Variants in PRKG1 observed in about 807,000 individuals in gnomAD.
PRKG1 encodes the protein protein kinase cGMP-dependent 1.
Under a neutral mutation model 88.1 loss-of-function variants are expected in PRKG1, and 35 were observed. The ratio of observed to expected loss-of-function variants is 0.40; its 90% CI spans 0.30 to 0.53. The LOEUF (loss-of-function observed/expected upper bound fraction) is 0.53, where lower values mean the gene tolerates loss of function less well. Among genes scored for constraint, PRKG1 ranks in the 20% least tolerant of loss-of-function variants. The pLI is 0.59. For missense variants in PRKG1, 540 were observed against 839.8 expected, an observed-to-expected ratio of 0.64 and a Z score of 4.41; for synonymous variants, 303 against 292.5, an observed-to-expected ratio of 1.04 and a Z score of -0.37.
chr10:51,276,824 TA>T (rs1840134508), intron 2 of PRKG1, among the ~76,000 whole-genome samples: 1 of 152,326 alleles, frequency 6.6e-6, no homozygotes, highest in South Asian at 2.1e-4. Flanking sequence ...TTTTTTCTCG[TA>T]AATTTGTTTG....
At chr10:51,505,058 A>G (rs1365989269) in intron 3 of PRKG1, among the ~76,000 whole-genome samples, 1 of 152,216 alleles carries the variant, frequency 6.6e-6, no homozygotes, top group South Asian at 2.1e-4. Context: ...CCCGTTTTCA[A>G]AGGGAATGCT....
At position 51,549,120 on chromosome 10, in the gene PRKG1, C is replaced by CTTTTTTTTTTT; in HGVS notation, c.592+81295_592+81305dup. ...TTCTTTCCTTTCTTTCTTTTCTTTT[C>CTTTTTTTTTTT]TTTTTTTTTTTTTTTTTTTTTGAGA... On this transcript the variant is annotated intron_variant, in intron 3 of 17. Coordinates refer to ENST00000373980, the MANE Select transcript of PRKG1 (RefSeq NM_006258.4). Among the ~76,000 whole-genome samples the CTTTTTTTTTTT allele has an allele frequency of 7.9e-3, 555 of 70,324 alleles. 23 individuals carry two copies. The highest frequency in any genetic ancestry group is 9.5e-3 in the Non-Finnish European group (371 of 38,970). The allele number at this position is 70,324 out of a possible 152,430, so 46.1% of individuals were successfully genotyped here. A position where few individuals can be genotyped will look rare whatever the true frequency, so the allele number is the denominator to read the frequency against.
intron 1 of PRKG1, among the ~76,000 whole-genome samples, chr10:51,134,697 C>T (rs1845647453): frequency 6.6e-6 from 1 of 152,008 alleles, no homozygotes; most frequent in South Asian, 2.1e-4. Context: ...TATTTGAACC[C>T]CTTCCCCTTT....
chr10:51,810,522 C>A (rs1839426429), intron 4 of PRKG1, among the ~76,000 whole-genome samples: 1 of 152,128 alleles, frequency 6.6e-6, no homozygotes, highest in South Asian at 2.1e-4. Flanking sequence ...AAAAATCCTG[C>A]CAGATTTTAG....
chr10:51,623,276 C>T (rs1839254105), intron 3 of PRKG1, among the ~76,000 whole-genome samples: 1 of 152,230 alleles, frequency 6.6e-6, no homozygotes, highest in Admixed American at 6.5e-5. Context: ...TCATGGTTCA[C>T]TGCAGCCTCA....
chr10:51,215,269 A>C (rs918470245), intron 2 of PRKG1, among the ~76,000 whole-genome samples: 4 of 152,222 alleles, frequency 2.6e-5, no homozygotes, highest in Non-Finnish European at 5.9e-5. Flanking sequence ...CTTATTTTTA[A>C]TAATTGAAAA....
intron 1 of PRKG1, among the ~76,000 whole-genome samples, chr10:51,000,970 T>C (rs1378729516): frequency 6.6e-6 from 1 of 152,250 alleles, no homozygotes; most frequent in Non-Finnish European, 1.5e-5. Context: ...TTTGTCAACT[T>C]CTTCATAGGA....
At chr10:51,499,007 C>G (rs959060806) in intron 3 of PRKG1, among the ~76,000 whole-genome samples, 8 of 151,908 alleles carry the variant, frequency 5.3e-5, no homozygotes, top group African/African-American at 1.9e-4. Flanking sequence ...AGTCATGACT[C>G]TGTTCTGTCA....
chr10:52,202,416 G>GC (rs1180476998), intron 9 of PRKG1, among the ~76,000 whole-genome samples: 1 of 152,056 alleles, frequency 6.6e-6, no homozygotes, highest in Non-Finnish European at 1.5e-5. Flanking sequence ...TGGTGGATTA[G>GC]CTTTTTGATG....
At chr10:51,661,720 C>A (rs950322877) in intron 3 of PRKG1, among the ~76,000 whole-genome samples, 3 of 152,120 alleles carry the variant, frequency 2.0e-5, no homozygotes, top group African/African-American at 7.2e-5. Flanking sequence ...TCAGTGATCC[C>A]ATTACTGGGT....
chr10:51,933,277 T>A (rs76017992), intron 5 of PRKG1, among the ~76,000 whole-genome samples: 1 of 152,164 alleles, frequency 6.6e-6, no homozygotes, highest in Non-Finnish European at 1.5e-5. Context: ...AAATCCAGAT[T>A]TTTATATGAA....
In PRKG1 at chr10:52,131,844, A is replaced by AAAAAAAAAAAAAAAAAAAAAC. The variant is rs764532999; in HGVS notation, c.936-1994_936-1993insAAAAAAAAAAAAAAAAAACAA. ...AAAAAAAAAAAAAAAAAAAAAAAAA[A>AAAAAAAAAAAAAAAAAAAAAC]AAGAGGCCAGTTTGGCCAAAAGGCA... On this transcript the variant is annotated intron_variant, in intron 7 of 17. Transcript: ENST00000373980. Among the ~76,000 whole-genome samples, 3 of 117,174 alleles carry AAAAAAAAAAAAAAAAAAAAAC rather than the reference A, an allele frequency of 2.6e-5. 1 individual carries two copies. The highest frequency in any genetic ancestry group is 3.9e-5 in the Non-Finnish European group (2 of 50,688). The allele number at this position is 117,174 out of a possible 152,430, so 76.9% of individuals were successfully genotyped here. A position where few individuals can be genotyped will look rare whatever the true frequency, so the allele number is the denominator to read the frequency against.
intron 3 of PRKG1, among the ~76,000 whole-genome samples, chr10:51,496,539 C>T (rs1840860983): frequency 6.6e-6 from 1 of 152,088 alleles, no homozygotes; most frequent in Non-Finnish European, 1.5e-5. Context: ...TCCAGCTGTC[C>T]CTTGGCAAAA....
chr10:51,133,343 G>A (rs944553677), intron 1 of PRKG1, among the ~76,000 whole-genome samples: 1 of 152,110 alleles, frequency 6.6e-6, no homozygotes, highest in Non-Finnish European at 1.5e-5. Context: ...TCCTTTGCCT[G>A]ATCCACTGCT....
At chr10:51,845,179 A>T (rs1202430952) in intron 4 of PRKG1, among the ~76,000 whole-genome samples, 1 of 152,076 alleles carries the variant, frequency 6.6e-6, no homozygotes, top group Non-Finnish European at 1.5e-5. Context: ...TGCTTTCCCC[A>T]AGATAACGTA....
intron 10 of PRKG1, 53 bp downstream of exon 10, chr10:52,251,719 T>A: frequency 7.1e-7 from 1 of 1,402,002 alleles, no homozygotes; most frequent in Non-Finnish European, 1.0e-6. Flanking sequence ...CTTTTTAATT[T>A]TTTCCCCTAG....
intron 2 of PRKG1, among the ~76,000 whole-genome samples, chr10:51,273,135 C>T (rs1278037779): frequency 1.3e-5 from 2 of 152,158 alleles, no homozygotes; most frequent in East Asian, 1.9e-4. Context: ...TAAGAGTTCA[C>T]ATTTGATGTT....
chr10:51,135,946 C>A (rs1845674781), intron 1 of PRKG1, among the ~76,000 whole-genome samples: 1 of 128,370 alleles, frequency 7.8e-6, no homozygotes, highest in Admixed American at 9.7e-5. Flanking sequence ...AGGGGAACAT[C>A]ACACTCTGGG....
intron 3 of PRKG1, among the ~76,000 whole-genome samples, chr10:51,491,690 A>G (rs1264561184): frequency 1.3e-5 from 2 of 152,116 alleles, no homozygotes; most frequent in African/African-American, 4.8e-5. Flanking sequence ...CAAATTAGCA[A>G]TATTTTTCAT....
Sources: gnomAD v4.1 joint callset for allele counts (sites outside exome capture counted in the v4.1 genomes callset) on GRCh38, gnomAD v4.1.1 for gene constraint, MANE v1.5 for transcripts, NCBI Gene and HGNC (gene_info 2026-07-23, HGNC 2026-07-21) for gene names.